The following RIN2 variants were observed in gnomAD, a reference collection of about 807,000 sequenced individuals.
RIN2 encodes the protein RAB5 interacting protein 2.
RIN2 carries 36 observed loss-of-function variants against 78.0 expected under a neutral mutation model. The ratio of observed to expected loss-of-function variants is 0.46; its 90% CI spans 0.35 to 0.61. The LOEUF (loss-of-function observed/expected upper bound fraction) is 0.61, where lower values mean the gene tolerates loss of function less well. RIN2 is among the 20% of genes least tolerant of loss of function. The probability of loss-of-function intolerance (pLI) is 0.00; values close to 1 mark genes in which losing one functional copy is unlikely to be tolerated. For missense variants in RIN2, 1,087 were observed against 1,159.7 expected (o/e 0.94, Z 0.91); for synonymous variants, 466 against 466.8 (o/e 1.00, Z 0.02).
chr20:19,811,539 C>A (rs924306687), intron 2 of RIN2, among the ~76,000 whole-genome samples: 1 of 152,058 alleles, frequency 6.6e-6, no homozygotes, highest in Non-Finnish European at 1.5e-5. Flanking sequence ...GTGGAGGGGA[C>A]AAGGGAGGCA....
Position 19,970,907 on chromosome 20 carries a change from A to G in RIN2, c.606A>G (p.Glu202=). The change falls in exon 8 of 13, where the codon GAA becomes GAG. Residue 202 remains glutamate, a synonymous_variant. Coordinates refer to ENST00000255006, the MANE Select transcript of RIN2 (RefSeq NM_018993.4). ...CAGCCAAGTCGGAGGCTCAGCTTGA[A>G]GAACTGGCCCAGATGGGACTAAGTA... ...ISTAKSEAQL[E]ELAQMGLNFW... is the part of the protein sequence containing the mutation. 1 of 1,613,202 alleles carries G rather than the reference A, an allele frequency of 6.2e-7. No homozygotes were observed. The highest frequency in any genetic ancestry group is 1.6e-4 in the Middle Eastern group (1 of 6,062).
chr20:19,794,351 T>C (rs955618752), intron 1 of RIN2, among the ~76,000 whole-genome samples: 9 of 151,658 alleles, frequency 5.9e-5, no homozygotes, highest in African/African-American at 2.2e-4. Flanking sequence ...AGGTCAAGAG[T>C]TCGAGCCCAG....
At chr20:19,919,236 C>T (rs1299942736) in intron 3 of RIN2, among the ~76,000 whole-genome samples, 1 of 152,114 alleles carries the variant, frequency 6.6e-6, no homozygotes, top group Non-Finnish European at 1.5e-5. Context: ...CGGTCATCTG[C>T]CAGTTTCTAT....
intron 4 of RIN2, among the ~76,000 whole-genome samples, chr20:19,941,966 A>T (rs2040888861): frequency 1.3e-5 from 2 of 152,072 alleles, no homozygotes; most frequent in South Asian, 4.2e-4. Context: ...CACAAAAATT[A>T]GCCAGGCGCA....
intron 1 of RIN2, among the ~76,000 whole-genome samples, chr20:19,779,291 C>T (rs368085624): frequency 5.0e-4 from 75 of 151,256 alleles, no homozygotes; most frequent in Middle Eastern, 3.4e-3. Flanking sequence ...GCATTCAAAG[C>T]ACAGATTAAA....
intron 2 of RIN2, among the ~76,000 whole-genome samples, chr20:19,854,958 C>G (rs564477344): frequency 2.0e-5 from 3 of 152,222 alleles, no homozygotes; most frequent in African/African-American, 7.2e-5. Context: ...TGTCTTGTGC[C>G]AGTTTTCAAA....
At chr20:19,935,053 A>G (rs1046287601) in intron 3 of RIN2, 46 bp from the exon 4 acceptor site, 2 of 1,458,224 alleles carry the variant, frequency 1.4e-6, no homozygotes, top group South Asian at 2.4e-5. Flanking sequence ...TGGGCATGCC[A>G]CGCCTCTCCA....
chr20:19,982,583 T>A (rs1472418232), intron 9 of RIN2, among the ~76,000 whole-genome samples: 2 of 152,186 alleles, frequency 1.3e-5, no homozygotes, highest in Non-Finnish European at 2.9e-5. Context: ...ACTCTGCTGT[T>A]CCCGACTTGT....
intron 11 of RIN2, 64 bp downstream of exon 11, chr20:19,992,363 G>A: frequency 3.4e-6 from 5 of 1,458,946 alleles, no homozygotes; most frequent in Non-Finnish European, 4.6e-6. Flanking sequence ...TTATAATTGA[G>A]ACGAAATTCA....
At chr20:19,929,341 TTTTGTTTG>T (rs138773030) in intron 3 of RIN2, among the ~76,000 whole-genome samples, 18 of 151,780 alleles carry the variant, frequency 1.2e-4, no homozygotes, top group South Asian at 6.2e-4. Context: ...TGTTTTTGGG[TTTTGTTTG>T]TTTGTTTGTT....
At chr20:19,773,541 T>G (rs545440751) in intron 1 of RIN2, among the ~76,000 whole-genome samples, 57 of 152,122 alleles carry the variant, frequency 3.7e-4, no homozygotes, top group African/African-American at 1.3e-3. Context: ...CCTTCTGAGG[T>G]GGGTGAAAGC....
intron 7 of RIN2, among the ~76,000 whole-genome samples, chr20:19,969,585 T>C (rs2042041071): frequency 6.6e-6 from 1 of 152,184 alleles, no homozygotes. Context: ...TTCTGTAAAT[T>C]GTGTATTTGT....
intron 2 of RIN2, among the ~76,000 whole-genome samples, chr20:19,804,990 T>C (rs1251390883): frequency 6.6e-6 from 1 of 152,206 alleles, no homozygotes; most frequent in South Asian, 2.1e-4. Flanking sequence ...GTCCAGTAAT[T>C]TATCCATTTC....
intron 3 of RIN2, among the ~76,000 whole-genome samples, chr20:19,926,432 T>G (rs1327784024): frequency 6.6e-6 from 1 of 152,000 alleles, no homozygotes; most frequent in South Asian, 2.1e-4. Context: ...CATTACGTTT[T>G]TGTTTTCCAG....
intron 4 of RIN2, among the ~76,000 whole-genome samples, chr20:19,944,614 C>T (rs189060903): frequency 2.1e-4 from 32 of 152,238 alleles, no homozygotes; most frequent in Non-Finnish European, 4.1e-4. Flanking sequence ...TTTAGTCTGG[C>T]ATGCAGCTGA....
chr20:19,766,127 G>C (rs937716366), intron 1 of RIN2, among the ~76,000 whole-genome samples: 4 of 152,168 alleles, frequency 2.6e-5, no homozygotes, highest in Non-Finnish European at 5.9e-5. Context: ...CTGGCCATCT[G>C]TCATGGATGG....
At chr20:19,987,657 C>A (rs2042663168) in intron 9 of RIN2, among the ~76,000 whole-genome samples, 2 of 152,152 alleles carry the variant, frequency 1.3e-5, no homozygotes, top group African/African-American at 2.4e-5. Context: ...ATATTAATTT[C>A]TGTTATTAAT....
At chr20:19,844,669 C>CCTCTTCTTCTT in intron 2 of RIN2, among the ~76,000 whole-genome samples, 1 of 76,248 alleles carries the variant, frequency 1.3e-5, no homozygotes, top group African/African-American at 6.2e-5. Flanking sequence ...TCTTCTTCTT[C>CCTCTTCTTCTT]CTTCTTCTTC....
rs77171077 is a variant in RIN2 at position 19,945,360 on chromosome 20, C to T, written c.158+10161C>T. Among the ~76,000 whole-genome samples the T allele has an allele frequency of 1.7e-4, 26 of 152,178 alleles. No individual in the cohort carries two copies. The East Asian group carries it at 3.7e-3, about 21-fold the overall frequency. On this transcript the variant is annotated intron_variant, in intron 4 of 12. Coordinates refer to ENST00000255006, the MANE Select transcript of RIN2 (RefSeq NM_018993.4). ...GGCAGGAGGTGGGTGGCTTTGATTC[C>T]GGATAAATTGATGACTGAATGTGAA...
Sources: gnomAD v4.1 joint callset for allele counts (sites outside exome capture counted in the v4.1 genomes callset) on GRCh38, gnomAD v4.1.1 for gene constraint, MANE v1.5 for transcripts, NCBI Gene and HGNC (gene_info 2026-07-23, HGNC 2026-07-21) for gene names.